Variants in DPYD observed in about 807,000 individuals in gnomAD.
The protein encoded by DPYD is dihydropyrimidine dehydrogenase [NADP(+)].
Under a neutral mutation model 116.2 loss-of-function variants are expected in DPYD, and 109 were observed. The observed-to-expected ratio is 0.94, with a 90% CI of 0.80 to 1.10. The LOEUF (loss-of-function observed/expected upper bound fraction) is 1.10. Ranked by LOEUF, DPYD falls within the 50% of genes least tolerant of loss-of-function variation. The probability of loss-of-function intolerance (pLI) is 0.00; values close to 1 mark genes in which losing one functional copy is unlikely to be tolerated. For synonymous variants in DPYD, 440 were observed against 432.0 expected (o/e 1.02, Z -0.23); for missense variants, 1,302 against 1,254.5 (o/e 1.04, Z -0.57).
In DPYD at chr1:97,225,551, A is replaced by C. The variant is rs572387066; in HGVS notation, c.2442+9301T>G. The stretch of plus-strand genomic sequence containing the variant: ...AAAGATCCTGAGTAAAAAATTTTGA[A>C]ATCAGGTTGTTTTTTTTTTTTTTTT... On this transcript the variant is annotated intron_variant, in intron 19 of 22. Transcript: ENST00000370192. 3.0e-4 allele frequency among the ~76,000 whole-genome samples: 44 copies of C among 148,220 alleles called. No homozygotes were observed. In the East Asian group the frequency reaches 7.7e-3, roughly 26 times the overall value.
intron 10 of DPYD, 152 bp from the exon 11 acceptor site, chr1:97,574,122 A>ATTTGCAT (rs1218273262): frequency 1.5e-6 from 2 of 1,358,814 alleles, no homozygotes; most frequent in African/African-American, 2.9e-5. Flanking sequence ...GTTACCAGTT[A>ATTTGCAT]TTTGCATTTT....
At chr1:97,783,641 T>C (rs1204103423) in intron 3 of DPYD, among the ~76,000 whole-genome samples, 1 of 152,128 alleles carries the variant, frequency 6.6e-6, no homozygotes, top group African/African-American at 2.4e-5. Context: ...CCCACCTGTC[T>C]TGGCCTCCCA....
chr1:97,839,284 T>G (rs1669925758), intron 2 of DPYD, among the ~76,000 whole-genome samples: 1 of 152,230 alleles, frequency 6.6e-6, no homozygotes, highest in Admixed American at 6.5e-5. Flanking sequence ...ATATATGCCC[T>G]TTTATAAGAA....
intron 19 of DPYD, among the ~76,000 whole-genome samples, chr1:97,229,641 G>A (rs1661458868): frequency 7.4e-6 from 1 of 134,528 alleles, no homozygotes; most frequent in Non-Finnish European, 1.6e-5. Context: ...ACATGTTCTG[G>A]CTGAGTTAAA....
At chr1:97,652,122 A>G (rs1013085104) in intron 8 of DPYD, among the ~76,000 whole-genome samples, 2 of 152,154 alleles carry the variant, frequency 1.3e-5, no homozygotes, top group African/African-American at 4.8e-5. Flanking sequence ...TATTCATTCT[A>G]TAAATAGTCA....
At chr1:97,696,281 C>G (rs2100964051) in intron 6 of DPYD, among the ~76,000 whole-genome samples, 1 of 152,100 alleles carries the variant, frequency 6.6e-6, no homozygotes, top group Admixed American at 6.6e-5. Context: ...TTGGTGATGC[C>G]ATCCTCTGAG....
At chr1:97,730,514 G>T (rs1268670622) in intron 4 of DPYD, among the ~76,000 whole-genome samples, 1 of 152,004 alleles carries the variant, frequency 6.6e-6, no homozygotes, top group Non-Finnish European at 1.5e-5. Flanking sequence ...GTTAGTCTCT[G>T]CACCTGGCCT....
chr1:97,894,567 T>G (rs1672956197), intron 1 of DPYD, among the ~76,000 whole-genome samples: 1 of 151,724 alleles, frequency 6.6e-6, no homozygotes, highest in South Asian at 2.1e-4. Context: ...TTTAAAGTAT[T>G]GCTTAATTTA....
At chr1:97,244,202 A>G (rs1190359244) in intron 18 of DPYD, among the ~76,000 whole-genome samples, 1 of 152,034 alleles carries the variant, frequency 6.6e-6, no homozygotes, top group Admixed American at 6.6e-5. Context: ...CAATACTGTC[A>G]TCTTCAGATA....
At chr1:97,593,990 A>G (rs1283986309) in intron 9 of DPYD, among the ~76,000 whole-genome samples, 2 of 152,190 alleles carry the variant, frequency 1.3e-5, no homozygotes, top group South Asian at 4.1e-4. Context: ...GAAACTGGGC[A>G]GTAAAAGAAA....
intron 3 of DPYD, among the ~76,000 whole-genome samples, chr1:97,748,905 C>A (rs1352203307): frequency 6.6e-6 from 1 of 152,150 alleles, no homozygotes; most frequent in East Asian, 1.9e-4. Flanking sequence ...GGTTGGACAA[C>A]ACAATGTACT....
chr1:97,694,043 T>C (rs1193613686), intron 6 of DPYD, among the ~76,000 whole-genome samples: 1 of 152,136 alleles, frequency 6.6e-6, no homozygotes, highest in Admixed American at 6.5e-5. Flanking sequence ...CAGTATAACT[T>C]TGAATGCAGA....
At chr1:97,387,895 T>C (rs1319696120) in intron 14 of DPYD, among the ~76,000 whole-genome samples, 7 of 152,080 alleles carry the variant, frequency 4.6e-5, no homozygotes, top group Non-Finnish European at 7.4e-5. Context: ...GATTGGGTTT[T>C]ATTGTTGGTG....
At chr1:97,425,947 AC>A (rs1674841527) in intron 14 of DPYD, among the ~76,000 whole-genome samples, 1 of 149,156 alleles carries the variant, frequency 6.7e-6, no homozygotes, top group African/African-American at 2.5e-5. Flanking sequence ...AGTAAAGCAA[AC>A]ATTAAAAAAA....
chr1:97,760,999 A>T (rs182718924), intron 3 of DPYD, among the ~76,000 whole-genome samples: 2 of 152,260 alleles, frequency 1.3e-5, no homozygotes, highest in African/African-American at 4.8e-5. Flanking sequence ...GGAATCCAAC[A>T]CAGATGTAGC....
intron 2 of DPYD, among the ~76,000 whole-genome samples, chr1:97,872,689 A>T (rs964980848): frequency 6.6e-6 from 1 of 151,998 alleles, no homozygotes; most frequent in South Asian, 2.1e-4. Context: ...AGCATATCAC[A>T]AACAAAGAAT....
chr1:97,246,924 A>T (rs966465632), intron 18 of DPYD, among the ~76,000 whole-genome samples: 2 of 152,122 alleles, frequency 1.3e-5, no homozygotes, highest in Admixed American at 1.3e-4. Flanking sequence ...GCCAATAAAA[A>T]TATTTCTCAG....
chr1:97,450,553 A>G (rs553371062), intron 13 of DPYD, among the ~76,000 whole-genome samples: 2 of 152,224 alleles, frequency 1.3e-5, no homozygotes, highest in East Asian at 3.9e-4. Flanking sequence ...ATGATAGGTA[A>G]AATGCAAAAG....
chr1:97,347,266 A>G (rs1416901023), intron 16 of DPYD, among the ~76,000 whole-genome samples: 1 of 151,984 alleles, frequency 6.6e-6, no homozygotes, highest in African/African-American at 2.4e-5. Flanking sequence ...TTTTGCAAAT[A>G]TCTTTGATCA....
Sources: allele counts gnomAD v4.1 joint callset (sites outside exome capture counted in the v4.1 genomes callset), GRCh38; gene constraint gnomAD v4.1.1; transcripts MANE v1.5; gene names NCBI Gene and HGNC (gene_info 2026-07-23, HGNC 2026-07-21).